Variants in COL5A1 observed in about 807,000 individuals in gnomAD.
COL5A1 encodes collagen type V alpha 1 chain.
A neutral mutation model predicts 263.7 loss-of-function variants in COL5A1; 16 were observed. The ratio of observed to expected loss-of-function variants is 0.06; its 90% confidence interval spans 0.04 to 0.09. The LOEUF is 0.09. COL5A1 is among the 10% of genes least tolerant of loss of function. COL5A1 has a pLI of 1.00. For synonymous variants in COL5A1, 1,012 were observed against 1,004.5 expected (o/e 1.01, Z -0.14); for missense variants, 2,036 against 2,540.5 (o/e 0.80, Z 4.27).
intron 1 of COL5A1, among the ~76,000 whole-genome samples, chr9:134,674,817 G>T (rs935136700): frequency 6.6e-6 from 1 of 152,018 alleles, no homozygotes; most frequent in African/African-American, 2.4e-5. Context: ...GGAGGTGGAG[G>T]TTGCAGTGAG....
At position 134,818,676 on chromosome 9, in the gene COL5A1, C is replaced by T; in HGVS notation, c.4251C>T (p.Gly1417=). Residue 1417 remains glycine (G), a synonymous_variant, in exon 55 of 66, where the codon GGC becomes GGT. Coordinates refer to ENST00000371817, the MANE Select transcript of COL5A1 (RefSeq NM_000093.5). The surrounding 1 kb of genome is among the most constrained non-coding windows in gnomAD (Gnocchi z 6.0). ...TGCAGGGAGAAGCCGGCTTGGAAGG[C>T]CCTCCTGGGAAGACTGGCCCCATCG... ...KGAKGEAGLE[G]PPGKTGPIGP... The T allele has an allele frequency of 6.2e-7, 1 of 1,607,374 alleles. No homozygotes were observed. Among genetic ancestry groups the T allele is most frequent in the Non-Finnish European group, 8.5e-7 (1 of 1,178,044 alleles).
At position 134,642,964 on chromosome 9, in the gene COL5A1, T is replaced by G. The variant is rs1348773751; in HGVS notation, c.109+668T>G. On this transcript the variant is annotated intron_variant, in intron 1 of 65. Coordinates refer to ENST00000371817, the MANE Select transcript of COL5A1 (RefSeq NM_000093.5). This position sits in a 1 kb window ranked among gnomAD's most constrained non-coding sequence, Gnocchi z 4.5. ...TCCCTGGAAGGCAGCTTTTCCTGGA[T>G]TCGCTGCTGAGAGATGGGATGCGTG... 6.6e-6 allele frequency among the ~76,000 whole-genome samples: 1 copy of G among 152,228 alleles called. No individual in the cohort carries two copies. The highest frequency in any genetic ancestry group is 2.4e-5 in the African/African-American group (1 of 41,468).
At position 134,804,966 on chromosome 9, in the gene COL5A1, T is replaced by G; in HGVS notation, c.3115-9T>G. 1 of 1,612,504 alleles carries G rather than the reference T, an allele frequency of 6.2e-7. No individual in the cohort carries two copies. Among genetic ancestry groups the G allele is most frequent in the Admixed American group, 1.7e-5 (1 of 60,022 alleles). On this transcript the variant is annotated splice_polypyrimidine_tract_variant and intron_variant, in intron 39 of 65. Transcript: ENST00000371817. ...CTCCAGGAAAGCTCATCTCTGACTC[T>G]GTTTTCAGGGTGACCCAGGCCCTGC...
At chr9:134,796,301 C>T (rs375581125) in intron 34 of COL5A1, 73 bp from the exon 35 acceptor site, 11 of 1,514,800 alleles carry the variant, frequency 7.3e-6, no homozygotes, top group South Asian at 4.5e-5. Context: ...GTTTTGATGA[C>T]GTTGTGGGCC....
At chr9:134,778,240 C>T (rs1218969334) in intron 27 of COL5A1, among the ~76,000 whole-genome samples, 1 of 152,220 alleles carries the variant, frequency 6.6e-6, no homozygotes, top group Non-Finnish European at 1.5e-5. Context: ...AGGAAAAAAA[C>T]ACCACCAAGT....
In COL5A1 at chr9:134,741,693, C is replaced by A. The variant is rs993729798; in HGVS notation, c.1494+2885C>A. ...AGAACTCTTCTTGCGTCCGTCGATT[C>A]TTACTTGGCTTCAGCAGAAAATAGT... On this transcript the variant is annotated intron_variant, in intron 11 of 65. Transcript: ENST00000371817. This position sits in a 1 kb window ranked among gnomAD's most constrained non-coding sequence, Gnocchi z 4.5. Among the ~76,000 whole-genome samples the A allele has an allele frequency of 6.6e-6, 1 of 152,118 alleles. No homozygotes were observed. Among genetic ancestry groups the A allele is most frequent in the Non-Finnish European group, 1.5e-5 (1 of 68,030 alleles).
At chr9:134,704,946 A>G (rs1833790352) in intron 4 of COL5A1, among the ~76,000 whole-genome samples, 1 of 152,182 alleles carries the variant, frequency 6.6e-6, no homozygotes, top group South Asian at 2.1e-4. Flanking sequence ...GCTCTGCATA[A>G]CGACACCTCC....
rs781701061 is a variant in COL5A1, at chr9:134,796,290, C to A, written c.2800-84C>A. The A allele has an allele frequency of 3.3e-5, 48 of 1,456,104 alleles. No individual in the cohort carries two copies. In the African/African-American group the frequency reaches 5.0e-4, roughly 15 times the overall value. 90.2% of individuals were successfully genotyped at this position (1,456,104 alleles called of 1,614,324 possible). On this transcript the variant is annotated intron_variant, in intron 34 of 65. Transcript: ENST00000371817. The stretch of plus-strand genomic sequence containing the variant: ...GCACACAGGCAATATTTGACTCAGA[C>A]GTTTTGATGACGTTGTGGGCCAGAG...
intron 2 of COL5A1, among the ~76,000 whole-genome samples, chr9:134,699,411 C>T (rs909058381): frequency 2.4e-4 from 36 of 151,960 alleles, no homozygotes; most frequent in Non-Finnish European, 4.1e-4. Context: ...AGTGGCGGTT[C>T]GAGGCTGTTG....
intron 43 of COL5A1, among the ~76,000 whole-genome samples, chr9:134,809,570 G>T (rs1301966934): frequency 1.3e-5 from 2 of 152,214 alleles, no homozygotes; most frequent in African/African-American, 2.4e-5. Flanking sequence ...AGTAGCCACA[G>T]CAGAGAAAAA....
In COL5A1 at chr9:134,678,779, C is replaced by G. The variant is rs568879541; in HGVS notation, c.110-12133C>G. Among the ~76,000 whole-genome samples, 104 of 152,298 alleles carry G rather than the reference C, an allele frequency of 6.8e-4. No individual in the cohort carries two copies. The highest frequency in any genetic ancestry group is 2.2e-3 in the African/African-American group (93 of 41,566). On this transcript the variant is annotated intron_variant, in intron 1 of 65. Coordinates refer to ENST00000371817, the MANE Select transcript of COL5A1 (RefSeq NM_000093.5). This position sits in a 1 kb window ranked among gnomAD's most constrained non-coding sequence, Gnocchi z 5.5. Reference sequence around the variant, plus strand: ...CGCTGGAGGAACGGGTGGGCCGGGCCCTGGGTGAAGGGGCTGGAGCTAAAT... The same window carrying G: ...CGCTGGAGGAACGGGTGGGCCGGGCGCTGGGTGAAGGGGCTGGAGCTAAAT...
At position 134,753,834 on chromosome 9, in the gene COL5A1, C is replaced by T. The variant is rs977759060; in HGVS notation, c.1720-16C>T. 3.8e-6 allele frequency: 6 copies of T among 1,570,404 alleles called. No homozygotes were observed. Among genetic ancestry groups the T allele is most frequent in the African/African-American group, 1.4e-5 (1 of 73,394 alleles). Reference sequence around the variant, plus strand: ...CCCACCTCGAGCAGACATTAACACACACCATGTCTCCCTAGGGTCCCCCTG... The same window carrying T: ...CCCACCTCGAGCAGACATTAACACATACCATGTCTCCCTAGGGTCCCCCTG... On this transcript the variant is annotated splice_polypyrimidine_tract_variant and intron_variant, in intron 14 of 65. Coordinates refer to ENST00000371817, the MANE Select transcript of COL5A1 (RefSeq NM_000093.5).
intron 19 of COL5A1, among the ~76,000 whole-genome samples, chr9:134,762,456 G>A (rs762285199): frequency 5.9e-5 from 9 of 152,228 alleles, no homozygotes; most frequent in Non-Finnish European, 1.2e-4. Context: ...GAGTGGCTGT[G>A]GCCATGGGGC....
At chr9:134,780,232 C>A in intron 28 of COL5A1, 86 bp downstream of exon 28, 1 of 1,311,428 alleles carries the variant, frequency 7.6e-7, no homozygotes, top group Non-Finnish European at 1.1e-6. Context: ...ATGCTTCTTC[C>A]ATGAAACCAG....
intron 4 of COL5A1, among the ~76,000 whole-genome samples, chr9:134,724,425 G>A (rs1221845865): frequency 6.6e-6 from 1 of 152,226 alleles, no homozygotes; most frequent in Non-Finnish European, 1.5e-5. Flanking sequence ...GGCCGGGCCT[G>A]TCCGGCAGCA....
In COL5A1 at chr9:134,701,216, G is replaced by C. The variant is rs773918199; in HGVS notation, c.537G>C (p.Leu179Phe). The C allele has an allele frequency of 6.2e-7, 1 of 1,613,994 alleles. No homozygotes were observed. Among genetic ancestry groups the C allele is most frequent in the South Asian group, 1.1e-5 (1 of 91,072 alleles). ...GCGTCCACAAGAAAAATGTCACCTT[G>C]ATCCTCGACTGTAAAAAGAAGACCA... ...ALSVHKKNVT[L>F]ILDCKKKTTK... Residue 179 changes from leucine to phenylalanine, a missense_variant, in exon 4 of 66, where the codon TTG (leucine) becomes TTC (phenylalanine). Around this residue, in one of 3 missense-constraint regions of COL5A1, gnomAD observed 600 missense variants for 634.5 expected, o/e 0.95. Coordinates refer to ENST00000371817, the MANE Select transcript of COL5A1 (RefSeq NM_000093.5).
At chr9:134,772,657 C>G in intron 25 of COL5A1, 133 bp from the exon 26 acceptor site, 1 of 1,019,876 alleles carries the variant, frequency 9.8e-7, no homozygotes, top group East Asian at 2.4e-5. Context: ...CCTTCGACTT[C>G]TGGTGCTCTC....
intron 29 of COL5A1, among the ~76,000 whole-genome samples, 156 bp downstream of exon 29, chr9:134,782,876 G>T (rs1290279689): frequency 6.6e-6 from 1 of 152,140 alleles, no homozygotes; most frequent in Non-Finnish European, 1.5e-5. Context: ...GTGGCGTGGA[G>T]CCCAGGGCCC....
In COL5A1 at chr9:134,730,125, C is replaced by A. The variant is rs534752368; in HGVS notation, c.925-111C>A. 440 of 1,495,542 alleles carry A rather than the reference C, an allele frequency of 2.9e-4. No homozygotes were observed. In the African/African-American group the frequency reaches 5.1e-3, roughly 18 times the overall value. 92.6% of individuals were successfully genotyped at this position (1,495,542 alleles called of 1,614,324 possible). On this transcript the variant is annotated intron_variant, in intron 6 of 65. Coordinates refer to ENST00000371817, the MANE Select transcript of COL5A1 (RefSeq NM_000093.5). ...CTCTGGGCCTCTTGACAGGCCTGGG[C>A]TCCAGGCGTTGCCACTGAGATGCCT... is the stretch of plus-strand genomic sequence containing the variant.
Sources: allele counts gnomAD v4.1 joint callset (sites outside exome capture counted in the v4.1 genomes callset), GRCh38; gene constraint gnomAD v4.1.1; regional missense constraint gnomAD v4.1.1; non-coding constraint Gnocchi (gnomAD v3.1); transcripts MANE v1.5; gene names NCBI Gene and HGNC (gene_info 2026-07-23, HGNC 2026-07-21).